The following NEGR1 variants were observed in gnomAD, a reference collection of about 807,000 sequenced individuals.
NEGR1 encodes the protein neuronal growth regulator 1.
NEGR1 carries 10 observed loss-of-function variants against 40.9 expected under a neutral mutation model. The observed-to-expected ratio is 0.24, with a 90% CI of 0.15 to 0.42. NEGR1 has a LOEUF of 0.42. Among genes scored for constraint, NEGR1 ranks in the 10% least tolerant of loss-of-function variants. The pLI is 1.00. For missense variants in NEGR1, 352 were observed against 438.9 expected (o/e 0.80, Z 1.77); for synonymous variants, 185 against 166.8 (o/e 1.11, Z -0.84).
intron 1 of NEGR1, among the ~76,000 whole-genome samples, chr1:72,003,869 A>G (rs1435680901): frequency 6.6e-6 from 1 of 152,166 alleles, no homozygotes; most frequent in African/African-American, 2.4e-5. Context: ...TTGTGATAGC[A>G]TTGTACTGTT....
chr1:71,534,670 G>A lies in NEGR1; in HGVS notation c.940+58147C>T, dbSNP rs1489478435. Among the ~76,000 whole-genome samples the A allele has an allele frequency of 4.0e-5, 6 of 151,690 alleles. No individual in the cohort carries two copies. The East Asian group carries it at 1.2e-3, about 30-fold the overall frequency. On this transcript the variant is annotated intron_variant, in intron 6 of 6. Coordinates refer to ENST00000357731, the MANE Select transcript of NEGR1 (RefSeq NM_173808.3). ...TCTGTATTAGACTACTTAACGATGT[G>A]AGAATTATTCCATTTTCCATTTGCA...
intron 6 of NEGR1, among the ~76,000 whole-genome samples, chr1:71,447,713 C>T (rs1457340069): frequency 6.6e-6 from 1 of 152,202 alleles, no homozygotes; most frequent in Non-Finnish European, 1.5e-5. Flanking sequence ...CCTGTTTATA[C>T]ATTTTCTCCC....
At chr1:71,603,874 T>A (rs183284036) in intron 5 of NEGR1, among the ~76,000 whole-genome samples, 242 of 152,286 alleles carry the variant, frequency 1.6e-3, no homozygotes, top group Middle Eastern at 0.01. Flanking sequence ...TTTTTGCTAA[T>A]TTTTTTATTT....
At chr1:72,082,719 A>G (rs529219751) in intron 1 of NEGR1, among the ~76,000 whole-genome samples, 1 of 152,014 alleles carries the variant, frequency 6.6e-6, no homozygotes, top group African/African-American at 2.4e-5. Context: ...AAAAACAAAA[A>G]AAAAAAAACT....
At chr1:71,532,289 A>T (rs1438805857) in intron 6 of NEGR1, among the ~76,000 whole-genome samples, 1 of 151,584 alleles carries the variant, frequency 6.6e-6, no homozygotes, top group Admixed American at 6.6e-5. Flanking sequence ...ACTTAACAGC[A>T]ATGGCCTATC....
chr1:71,995,496 C>T (rs1646496586), intron 1 of NEGR1, among the ~76,000 whole-genome samples: 1 of 152,032 alleles, frequency 6.6e-6, no homozygotes, highest in Non-Finnish European at 1.5e-5. Context: ...GCTAAATAGA[C>T]ATGTGTCTGA....
At chr1:71,882,099 A>G (rs948376955) in intron 2 of NEGR1, among the ~76,000 whole-genome samples, 1 of 145,222 alleles carries the variant, frequency 6.9e-6, no homozygotes, top group Non-Finnish European at 1.6e-5. Flanking sequence ...GAGTGCTGTT[A>G]TCTCACATTT....
intron 1 of NEGR1, among the ~76,000 whole-genome samples, chr1:72,137,377 A>T (rs1650507115): frequency 6.6e-6 from 1 of 152,194 alleles, no homozygotes; most frequent in East Asian, 1.9e-4. Flanking sequence ...TAGATAAAGA[A>T]AATGTGGCAC....
chr1:71,784,410 C>T (rs1324171462), intron 2 of NEGR1, among the ~76,000 whole-genome samples: 1 of 151,644 alleles, frequency 6.6e-6, no homozygotes, highest in Non-Finnish European at 1.5e-5. Flanking sequence ...TAAAATGTAA[C>T]TAACCCTACA....
chr1:71,955,239 T>C (rs1646110011), intron 1 of NEGR1, among the ~76,000 whole-genome samples: 1 of 152,176 alleles, frequency 6.6e-6, no homozygotes, highest in African/African-American at 2.4e-5. Flanking sequence ...TGGTAGGCCA[T>C]AGATTCTGTG....
At chr1:71,520,325 G>A (rs1044027598) in intron 6 of NEGR1, among the ~76,000 whole-genome samples, 3 of 152,024 alleles carry the variant, frequency 2.0e-5, no homozygotes, top group Non-Finnish European at 4.4e-5. Flanking sequence ...GACATGCTGT[G>A]GAGACAGGCT....
rs115964018 is a variant in NEGR1 at position 71,718,753 on chromosome 1, T to C, written c.536-20614A>G. 2.5e-3 allele frequency among the ~76,000 whole-genome samples: 383 copies of C among 152,292 alleles called. 1 individual carries two copies. The highest frequency in any genetic ancestry group is 8.9e-3 in the African/African-American group (368 of 41,576). ...AATCAGTTTTTCTCTAGAAAAAAAT[T>C]ACAACATGTAAAAAATAATCAAATC... On this transcript the variant is annotated intron_variant, in intron 3 of 6. Coordinates refer to ENST00000357731, the MANE Select transcript of NEGR1 (RefSeq NM_173808.3).
chr1:71,466,541 G>A (rs948940635), intron 6 of NEGR1, among the ~76,000 whole-genome samples: 3 of 152,054 alleles, frequency 2.0e-5, no homozygotes, highest in African/African-American at 7.2e-5. Context: ...AATGGTGATC[G>A]AGAGTACTGG....
At chr1:72,053,283 A>G (rs1647078470) in intron 1 of NEGR1, among the ~76,000 whole-genome samples, 1 of 151,104 alleles carries the variant, frequency 6.6e-6, no homozygotes, top group African/African-American at 2.4e-5. Context: ...CATCTTATTC[A>G]TTGCTTAGTA....
At chr1:71,720,574 C>CT (rs556617675) in intron 3 of NEGR1, among the ~76,000 whole-genome samples, 2 of 152,050 alleles carry the variant, frequency 1.3e-5, no homozygotes, top group African/African-American at 2.4e-5. Context: ...CCTGTTGGTA[C>CT]TTTTTTCCCT....
In NEGR1 at chr1:72,282,441, C is replaced by T; in HGVS notation, c.54G>A (p.Ala18=). ...GGCAGCACAGGCTGAGGAGCACCGC[C>T]GCCAGCCACTGGTTCGAGCAACAAG... The part of the protein sequence containing the change: ...QGACCSNQWL[A]AVLLSLCCLL... The change falls in exon 1 of 7, where the codon GCG becomes GCA. Residue 18 remains alanine (A), a synonymous_variant. Coordinates refer to ENST00000357731, the MANE Select transcript of NEGR1 (RefSeq NM_173808.3). The T allele has an allele frequency of 2.5e-6, 4 of 1,613,710 alleles. No homozygotes were observed. Among genetic ancestry groups the T allele is most frequent in the Non-Finnish European group, 3.4e-6 (4 of 1,179,964 alleles).
intron 1 of NEGR1, among the ~76,000 whole-genome samples, chr1:72,085,018 TG>T (rs1259149033): frequency 6.6e-6 from 1 of 152,160 alleles, no homozygotes; most frequent in Non-Finnish European, 1.5e-5. Flanking sequence ...GTGAGACACT[TG>T]TGAACTGAGC....
intron 1 of NEGR1, 149 bp from the exon 2 acceptor site, chr1:71,935,460 G>A: frequency 1.6e-6 from 1 of 627,596 alleles, no homozygotes; most frequent in Non-Finnish European, 2.8e-6. Context: ...TGAACATACT[G>A]ATGCATCTTC....
intron 5 of NEGR1, among the ~76,000 whole-genome samples, chr1:71,599,013 A>C (rs1003229789): frequency 3.9e-5 from 6 of 152,176 alleles, no homozygotes; most frequent in Non-Finnish European, 8.8e-5. Flanking sequence ...TGGATTCTGA[A>C]TAGGTATAGA....
Sources: gnomAD v4.1 joint callset for allele counts (sites outside exome capture counted in the v4.1 genomes callset) on GRCh38, gnomAD v4.1.1 for gene constraint, MANE v1.5 for transcripts, NCBI Gene and HGNC (gene_info 2026-07-23, HGNC 2026-07-21) for gene names.